Variants in CCDC192 observed in about 807,000 individuals in gnomAD.
CCDC192 encodes coiled-coil domain containing 192.
chr5:127,759,153 G>A (rs1208550087), intron 3 of CCDC192, among the ~76,000 whole-genome samples: 1 of 152,184 alleles, frequency 6.6e-6, no homozygotes, highest in Non-Finnish European at 1.5e-5. Context: ...AGCTACAGTT[G>A]TCTTATCTAG....
chr5:127,783,142 C>T (rs779475952), intron 3 of CCDC192, among the ~76,000 whole-genome samples: 9 of 151,878 alleles, frequency 5.9e-5, no homozygotes, highest in East Asian at 1.9e-4. Flanking sequence ...ACTACAGGCA[C>T]GTGCCACCAT....
intron 5 of CCDC192, among the ~76,000 whole-genome samples, chr5:127,828,934 G>A (rs1472336473): frequency 6.6e-6 from 1 of 152,178 alleles, no homozygotes; most frequent in African/African-American, 2.4e-5. Context: ...CAGACTGGGA[G>A]CAATGTGGAG....
At chr5:127,781,580 T>C (rs1185465120) in intron 3 of CCDC192, among the ~76,000 whole-genome samples, 2 of 151,754 alleles carry the variant, frequency 1.3e-5, no homozygotes, top group African/African-American at 2.4e-5. Context: ...GTATTCCTTT[T>C]TTTTTTTTTT....
At chr5:127,805,852 A>G (rs1406665603) in intron 5 of CCDC192, among the ~76,000 whole-genome samples, 2 of 152,206 alleles carry the variant, frequency 1.3e-5, no homozygotes, top group African/African-American at 4.8e-5. Context: ...TCATTACCCC[A>G]TGGCTCATCT....
At chr5:127,881,524 A>G (rs922969566) in intron 6 of CCDC192, among the ~76,000 whole-genome samples, 8 of 152,216 alleles carry the variant, frequency 5.3e-5, no homozygotes, top group Admixed American at 3.3e-4. Flanking sequence ...ATGTTCCAAA[A>G]TATTAGGAAT....
At chr5:127,910,445 A>T (rs764688006) in intron 6 of CCDC192, among the ~76,000 whole-genome samples, 1 of 152,234 alleles carries the variant, frequency 6.6e-6, no homozygotes, top group Non-Finnish European at 1.5e-5. Flanking sequence ...GGGTTAGTGC[A>T]TCCATCTTTA....
At chr5:127,796,313 A>G (rs951973358) in intron 3 of CCDC192, among the ~76,000 whole-genome samples, 6 of 152,212 alleles carry the variant, frequency 3.9e-5, no homozygotes, top group African/African-American at 1.4e-4. Context: ...TGAAAAAGAA[A>G]TGTAGAGATA....
chr5:127,849,368 G>A (rs1750699744), intron 5 of CCDC192, among the ~76,000 whole-genome samples: 1 of 151,976 alleles, frequency 6.6e-6, no homozygotes, highest in South Asian at 2.1e-4. Context: ...AAGCCACAGG[G>A]GATAGAGGCT....
intron 5 of CCDC192, among the ~76,000 whole-genome samples, chr5:127,819,839 A>G (rs1749202259): frequency 6.6e-6 from 1 of 152,180 alleles, no homozygotes; most frequent in Admixed American, 6.5e-5. Flanking sequence ...AAGGAGGTTT[A>G]GACTCCTGCT....
At chr5:127,838,676 G>A (rs1257999305) in intron 5 of CCDC192, 3 of 152,146 alleles carry the variant, frequency 2.0e-5, no homozygotes, top group Non-Finnish European at 4.4e-5. Context: ...CCTCCTTGTT[G>A]CCAGTACTGA....
At chr5:127,760,839 A>T (rs1010866395) in intron 3 of CCDC192, among the ~76,000 whole-genome samples, 3 of 152,166 alleles carry the variant, frequency 2.0e-5, no homozygotes, top group Admixed American at 1.3e-4. Context: ...GAAGATGGCA[A>T]GAGCTGAACT....
chr5:127,853,891 G>C (rs1750927023), intron 5 of CCDC192, among the ~76,000 whole-genome samples: 1 of 152,110 alleles, frequency 6.6e-6, no homozygotes, highest in Admixed American at 6.5e-5. Context: ...ATTGTTTCCA[G>C]GTGTTGTGTA....
intron 5 of CCDC192, among the ~76,000 whole-genome samples, chr5:127,839,257 G>A (rs977325470): frequency 9.2e-5 from 14 of 152,190 alleles, no homozygotes; most frequent in African/African-American, 3.4e-4. Context: ...GGAAGTAGAT[G>A]ACCATTCAAA....
intron 3 of CCDC192, chr5:127,784,703 G>T: frequency 1.6e-6 from 1 of 631,422 alleles, no homozygotes; most frequent in South Asian, 1.5e-5. Context: ...TTCTTGATCA[G>T]GGACCCGGGA....
intron 5 of CCDC192, among the ~76,000 whole-genome samples, chr5:127,874,202 G>A (rs1751976035): frequency 2.0e-5 from 3 of 152,160 alleles, no homozygotes; most frequent in Admixed American, 2.0e-4. Context: ...CACCTGGATT[G>A]TGCTGGCTGA....
intron 5 of CCDC192, among the ~76,000 whole-genome samples, chr5:127,835,323 A>G (rs1322945045): frequency 6.6e-6 from 1 of 152,216 alleles, no homozygotes; most frequent in Non-Finnish European, 1.5e-5. Context: ...AAGATTTCCC[A>G]AATTCACTCT....
At chr5:127,826,087 G>T (rs1749516476) in intron 5 of CCDC192, among the ~76,000 whole-genome samples, 1 of 152,108 alleles carries the variant, frequency 6.6e-6, no homozygotes, top group East Asian at 1.9e-4. Flanking sequence ...AGCTCAAACT[G>T]CAAATTGTTT....
chr5:127,906,534 C>T (rs1052002536), intron 6 of CCDC192, among the ~76,000 whole-genome samples: 1 of 152,144 alleles, frequency 6.6e-6, no homozygotes, highest in South Asian at 2.1e-4. Flanking sequence ...ACCTGTAATC[C>T]TAGCACTCTG....
intron 3 of CCDC192, among the ~76,000 whole-genome samples, chr5:127,795,806 G>A (rs1230824871): frequency 6.6e-6 from 1 of 151,882 alleles, no homozygotes; most frequent in African/African-American, 2.4e-5. Context: ...AGACTCCTTG[G>A]CTTTAACCAT....
Sources: gnomAD v4.1 joint callset for allele counts (sites outside exome capture counted in the v4.1 genomes callset) on GRCh38, gnomAD v4.1.1 for gene constraint, MANE v1.5 for transcripts, NCBI Gene and HGNC (gene_info 2026-07-23, HGNC 2026-07-21) for gene names.